DAP: variants seen among roughly 807,000 people sequenced by gnomAD.
The protein encoded by DAP is death-associated protein 1.
A neutral mutation model predicts 13.8 loss-of-function variants in DAP; 8 were observed. The observed-to-expected ratio is 0.58, with a 90% CI of 0.34 to 1.05. The LOEUF (loss-of-function observed/expected upper bound fraction) is 1.05, where lower values mean the gene tolerates loss of function less well. Among genes scored for constraint, DAP ranks in the 50% least tolerant of loss-of-function variants. DAP has a pLI of 0.03. For missense variants in DAP, 106 were observed against 133.2 expected (o/e 0.80, Z 1.01); for synonymous variants, 47 against 47.5 (o/e 0.99, Z 0.04).
rs762920470 is a variant in DAP, at chr5:10,748,129, T to C, written c.152+46A>G. The C allele has an allele frequency of 7.5e-6, 10 of 1,326,654 alleles. 1 individual carries two copies. The African/African-American group carries it at 8.7e-5, about 12-fold the overall frequency. 82.2% of individuals were successfully genotyped at this position (1,326,654 alleles called of 1,614,324 possible). A position where few individuals can be genotyped will look rare whatever the true frequency, so the allele number is the denominator to read the frequency against. On this transcript the variant is annotated intron_variant, in intron 2 of 3. Transcript: ENST00000230895. ...GAACAAATGTTAATGCTTAACCGAA[T>C]AGGGTTTTTGGAAAACATGCTCAAG...
chr5:10,743,830 G>A (rs1255590188), intron 2 of DAP, among the ~76,000 whole-genome samples: 1 of 152,190 alleles, frequency 6.6e-6, no homozygotes, highest in East Asian at 1.9e-4. Context: ...TCCTGGACAT[G>A]AAGAACCACC....
Position 10,680,710 on chromosome 5 carries a change from A to G in DAP, c.*346T>C. ...TCCTAACCTTAATCTCATCTTCTCA[A>G]ATGTGTGCCTTCTTGTTTTTAAGAC... On this transcript the variant is annotated 3_prime_UTR_variant, in exon 4 of 4. Coordinates refer to ENST00000230895, the MANE Select transcript of DAP (RefSeq NM_004394.3). 1 of 1,533,022 alleles carries G rather than the reference A, an allele frequency of 6.5e-7. No homozygotes were observed. Among genetic ancestry groups the G allele is most frequent in the Non-Finnish European group, 8.7e-7 (1 of 1,144,440 alleles). The allele number at this position is 1,533,022 out of a possible 1,614,324, so 95.0% of individuals were successfully genotyped here. A position where few individuals can be genotyped will look rare whatever the true frequency, so the allele number is the denominator to read the frequency against.
intron 1 of DAP, among the ~76,000 whole-genome samples, chr5:10,753,368 A>T (rs936095950): frequency 1.3e-5 from 2 of 152,228 alleles, no homozygotes; most frequent in Non-Finnish European, 2.9e-5. Flanking sequence ...GGCTTCTGAG[A>T]GTAACTCAAA....
intron 2 of DAP, among the ~76,000 whole-genome samples, chr5:10,724,763 C>G (rs1173467003): frequency 6.6e-6 from 1 of 152,206 alleles, no homozygotes; most frequent in Non-Finnish European, 1.5e-5. Context: ...CTTTCTGGTT[C>G]TGTGTCCCTA....
intron 2 of DAP, among the ~76,000 whole-genome samples, chr5:10,744,682 T>C (rs1002029696): frequency 5.3e-5 from 8 of 152,220 alleles, no homozygotes; most frequent in Admixed American, 3.9e-4. Context: ...CTACATATCA[T>C]TGGGTTGGAA....
At chr5:10,708,991 C>T (rs1030537596) in intron 2 of DAP, among the ~76,000 whole-genome samples, 2 of 152,226 alleles carry the variant, frequency 1.3e-5, no homozygotes, top group African/African-American at 4.8e-5. Flanking sequence ...AAAAGACCCT[C>T]AATCTACAAA....
intron 2 of DAP, among the ~76,000 whole-genome samples, chr5:10,700,044 T>C (rs1374422646): frequency 3.9e-5 from 6 of 152,174 alleles, no homozygotes; most frequent in Non-Finnish European, 5.9e-5. Context: ...GGGCACAACC[T>C]CGAGCATGAA....
intron 2 of DAP, among the ~76,000 whole-genome samples, chr5:10,730,712 G>C (rs1739433687): frequency 7.3e-6 from 1 of 136,752 alleles, no homozygotes; most frequent in Non-Finnish European, 1.6e-5. Context: ...GCCCTAGTGA[G>C]GGGGAATCTT....
chr5:10,758,708 C>T (rs549532357), intron 1 of DAP, among the ~76,000 whole-genome samples: 50 of 152,338 alleles, frequency 3.3e-4, no homozygotes, highest in Admixed American at 6.5e-4. Flanking sequence ...AACTGAGCCC[C>T]AGTGAAGCGT....
intron 1 of DAP, among the ~76,000 whole-genome samples, chr5:10,760,579 G>A (rs1371112146): frequency 6.6e-6 from 1 of 152,226 alleles, no homozygotes; most frequent in African/African-American, 2.4e-5. Flanking sequence ...GAGTCGGTAT[G>A]AAACGCTGGC....
At chr5:10,725,336 T>C (rs997264062) in intron 2 of DAP, among the ~76,000 whole-genome samples, 5 of 152,220 alleles carry the variant, frequency 3.3e-5, no homozygotes, top group African/African-American at 1.2e-4. Flanking sequence ...GAGCTCGGGC[T>C]GTCTCCAGTC....
At chr5:10,688,514 A>G (rs1175340606) in intron 2 of DAP, among the ~76,000 whole-genome samples, 1 of 152,196 alleles carries the variant, frequency 6.6e-6, no homozygotes, top group Admixed American at 6.5e-5. Context: ...CTTTATCACA[A>G]TATTTGCTTT....
intron 2 of DAP, among the ~76,000 whole-genome samples, chr5:10,714,302 A>G (rs891400799): frequency 6.6e-6 from 1 of 152,236 alleles, no homozygotes; most frequent in Non-Finnish European, 1.5e-5. Context: ...CAGCATCAGC[A>G]GTGCCTGTAA....
chr5:10,729,182 G>A (rs912425752), intron 2 of DAP, among the ~76,000 whole-genome samples: 2 of 152,184 alleles, frequency 1.3e-5, no homozygotes, highest in African/African-American at 4.8e-5. Context: ...TTCCACTGAA[G>A]CCAGGTATAG....
intron 2 of DAP, among the ~76,000 whole-genome samples, chr5:10,689,200 C>G (rs941442904): frequency 6.6e-6 from 1 of 152,170 alleles, no homozygotes; most frequent in Non-Finnish European, 1.5e-5. Context: ...CACACGGAAG[C>G]TGAGGCCTAG....
Position 10,732,259 on chromosome 5 carries a change from C to T in DAP, c.152+15916G>A, listed in dbSNP as rs563449594. Among the ~76,000 whole-genome samples the T allele has an allele frequency of 2.0e-5, 3 of 152,326 alleles. No individual in the cohort carries two copies. The South Asian group carries it at 6.2e-4, about 32-fold the overall frequency. ...AATTTAGTGGCTTTTAATACATTCA[C>T]TATGTTATGCAACCCACCACCACCA... On this transcript the variant is annotated intron_variant, in intron 2 of 3. Transcript: ENST00000230895.
intron 1 of DAP, among the ~76,000 whole-genome samples, chr5:10,759,848 G>A (rs1740294978): frequency 7.1e-6 from 1 of 140,334 alleles, no homozygotes; most frequent in Non-Finnish European, 1.5e-5. Flanking sequence ...TCTGCCTCCC[G>A]GGTTCAAGCC....
chr5:10,715,511 G>A (rs1444206089), intron 2 of DAP, among the ~76,000 whole-genome samples: 2 of 152,198 alleles, frequency 1.3e-5, no homozygotes, highest in Non-Finnish European at 2.9e-5. Context: ...CTTGAGAAAC[G>A]CAGGCAAACT....
intron 2 of DAP, among the ~76,000 whole-genome samples, chr5:10,701,567 A>AAAAT (rs957259842): frequency 7.9e-5 from 12 of 151,580 alleles, no homozygotes; most frequent in African/African-American, 1.2e-4. Context: ...TCAGTTTCTT[A>AAAAT]AAATAAATAA....
Sources: gnomAD v4.1 joint callset for allele counts (sites outside exome capture counted in the v4.1 genomes callset) on GRCh38, gnomAD v4.1.1 for gene constraint, MANE v1.5 for transcripts, NCBI Gene and HGNC (gene_info 2026-07-23, HGNC 2026-07-21) for gene names.